The following AGAP3 variants were observed in gnomAD, a reference collection of about 807,000 sequenced individuals.
AGAP3 encodes arf-GAP with GTPase, ANK repeat and PH domain-containing protein 3.
In AGAP3, 24 loss-of-function variants were observed where a neutral mutation model predicts 96.9. That is an observed-to-expected ratio of 0.25 (90% confidence interval 0.18 to 0.35). The LOEUF is 0.35. Among genes scored for constraint, AGAP3 ranks in the 10% least tolerant of loss-of-function variants. The pLI is 1.00. For missense variants in AGAP3, 876 were observed against 1,254.2 expected (o/e 0.70, Z 4.55); for synonymous variants, 563 against 536.1 (o/e 1.05, Z -0.69).
Position 151,118,386 on chromosome 7 carries a change from C to A in AGAP3, c.841+42C>A, listed in dbSNP as rs777418062. 1 of 1,596,842 alleles carries A rather than the reference C, an allele frequency of 6.3e-7. No homozygotes were observed. The highest frequency in any genetic ancestry group is 1.1e-5 in the South Asian group (1 of 89,780). ...GTGGGAGTCACTGGCAGCCGCGGCCCCAGTGCTGGCGATAGGAAGGCTCCC... is the reference window on the plus strand; with the variant it reads ...GTGGGAGTCACTGGCAGCCGCGGCCACAGTGCTGGCGATAGGAAGGCTCCC... On this transcript the variant is annotated intron_variant, in intron 6 of 17. Coordinates refer to ENST00000397238, the MANE Select transcript of AGAP3 (RefSeq NM_031946.7). The surrounding 1 kb of genome is among the most constrained non-coding windows in gnomAD (Gnocchi z 6.1).
chr7:151,117,087 T>C lies in AGAP3; in HGVS notation c.391-8T>C. ...CCTCTGACCCACTCACCCCTTCCTC[T>C]CCCGCAGGGCATAGTGGGGAACCTG... On this transcript the variant is annotated splice_polypyrimidine_tract_variant and splice_region_variant and intron_variant, in intron 2 of 17. Coordinates refer to ENST00000397238, the MANE Select transcript of AGAP3 (RefSeq NM_031946.7). The C allele has an allele frequency of 6.2e-7, 1 of 1,613,090 alleles. No homozygotes were observed. The highest frequency in any genetic ancestry group is 2.2e-5 in the East Asian group (1 of 44,860).
At chr7:151,127,855 T>A (rs967765902) in intron 9 of AGAP3, among the ~76,000 whole-genome samples, 4 of 152,310 alleles carry the variant, frequency 2.6e-5, no homozygotes, top group African/African-American at 9.6e-5. Context: ...TTTAGGGGGC[T>A]TTTCCCCAGT....
At position 151,138,164 on chromosome 7, in the gene AGAP3, G is replaced by A. The variant is rs748732155; in HGVS notation, c.1517G>A (p.Ser506Asn). 1.2e-6 allele frequency: 2 copies of A among 1,605,290 alleles called. No homozygotes were observed. Among genetic ancestry groups the A allele is most frequent in the South Asian group, 2.2e-5 (2 of 89,614 alleles). ...CCAGGTGCCCCCCACTCGGCCAGCA[G>A]CGCATCCCTGCACTCTGAGCGCCCC... ...GGTGAPHSAS[S>N]ASLHSERPLS... is the part of the protein sequence containing the mutation. The change falls in exon 12 of 18, where the codon AGC becomes AAC. Residue 506 changes from serine to asparagine, a missense_variant. By Grantham distance (46) the Ser-to-Asn change is conservative. Transcript: ENST00000397238.
chr7:151,105,301 C>G (rs1005736319), intron 1 of AGAP3, among the ~76,000 whole-genome samples: 2 of 152,122 alleles, frequency 1.3e-5, no homozygotes, highest in East Asian at 3.8e-4. Flanking sequence ...TGTACACTTA[C>G]TGCAGAAAAA....
chr7:151,144,087 A>G lies in AGAP3; in HGVS notation c.*144A>G. The G allele has an allele frequency of 1.2e-6, 1 of 863,530 alleles. No homozygotes were observed. Among genetic ancestry groups the G allele is most frequent in the East Asian group, 2.7e-5 (1 of 37,554 alleles). The allele number at this position is 863,530 out of a possible 1,614,324, so 53.5% of individuals were successfully genotyped here. On this transcript the variant is annotated 3_prime_UTR_variant, in exon 18 of 18. Transcript: ENST00000397238. ...GCCAAGGAAATTAGGGAGGAGAGTC[A>G]AAGGGATCAAGGAGAGTTGGGGATT... is the stretch of plus-strand genomic sequence containing the variant.
intron 1 of AGAP3, among the ~76,000 whole-genome samples, chr7:151,100,564 G>T (rs1337646860): frequency 6.6e-6 from 1 of 152,238 alleles, no homozygotes; most frequent in African/African-American, 2.4e-5. Flanking sequence ...GGGCACAGTG[G>T]TTCACACCTG....
chr7:151,095,992 G>A (rs1798590832), intron 1 of AGAP3, among the ~76,000 whole-genome samples: 1 of 152,224 alleles, frequency 6.6e-6, no homozygotes, highest in Admixed American at 6.5e-5. Flanking sequence ...CCACTTGGGA[G>A]CTGTGTGACC....
intron 1 of AGAP3, among the ~76,000 whole-genome samples, chr7:151,107,618 T>C (rs1799110704): frequency 6.6e-6 from 1 of 151,740 alleles, no homozygotes; most frequent in Non-Finnish European, 1.5e-5. Context: ...AATGAGACCG[T>C]CTCAAAAAAA....
chr7:151,126,361 A>AGCAGAGCG (rs1554469749), intron 9 of AGAP3, among the ~76,000 whole-genome samples: 6 of 10,540 alleles, frequency 5.7e-4, no homozygotes, highest in Non-Finnish European at 8.6e-4. Context: ...AGAGCGGAGC[A>AGCAGAGCG]GAGCAGAGCG....
At chr7:151,132,472 T>C (rs1247092674) in intron 10 of AGAP3, among the ~76,000 whole-genome samples, 1 of 152,202 alleles carries the variant, frequency 6.6e-6, no homozygotes, top group Non-Finnish European at 1.5e-5. Context: ...GAGTGTGGGC[T>C]CCTTCCTGAA....
Position 151,138,267 on chromosome 7 carries a change from G to T in AGAP3, c.1620G>T (p.Gln540His). The T allele has an allele frequency of 6.2e-7, 1 of 1,612,870 alleles. No individual in the cohort carries two copies. Among genetic ancestry groups the T allele is most frequent in the Non-Finnish European group, 8.5e-7 (1 of 1,179,770 alleles). ...QRSCSVSSAD[Q>H]WSEATTSLPP... ...CCTGCTCCGTTTCCAGCGCCGACCA[G>T]TGGAGTGAGGCCACCACTTCCCTGC... Residue 540 changes from glutamine (Q) to histidine (H), a missense_variant, in exon 12 of 18, where the codon CAG (glutamine) becomes CAT (histidine). Coordinates refer to ENST00000397238, the MANE Select transcript of AGAP3 (RefSeq NM_031946.7).
At chr7:151,089,567 A>T (rs963609943) in intron 1 of AGAP3, 4 of 152,106 alleles carry the variant, frequency 2.6e-5, no homozygotes, top group African/African-American at 4.8e-5. Flanking sequence ...TGCGGTCAGG[A>T]TCCATCTGGC....
In AGAP3 at chr7:151,141,652, C is replaced by T. The variant is rs759027921; in HGVS notation, c.1805-246C>T. The T allele has an allele frequency of 9.4e-6, 5 of 534,376 alleles. No homozygotes were observed. Among genetic ancestry groups the T allele is most frequent in the Non-Finnish European group, 1.7e-5 (5 of 296,460 alleles). The allele number at this position is 534,376 out of a possible 1,614,324, so 33.1% of individuals were successfully genotyped here. A position where few individuals can be genotyped will look rare whatever the true frequency, so the allele number is the denominator to read the frequency against. On this transcript the variant is annotated intron_variant, in intron 13 of 17. Coordinates refer to ENST00000397238, the MANE Select transcript of AGAP3 (RefSeq NM_031946.7). The surrounding 1 kb of genome is among the most constrained non-coding windows in gnomAD (Gnocchi z 4.2). ...CAGGGGTGCCAAGATCTTGCATCCC[C>T]CATCTGTTTTCACTTAAGCTCCACA...
intron 10 of AGAP3, among the ~76,000 whole-genome samples, chr7:151,129,555 T>G (rs1800319647): frequency 1.3e-5 from 2 of 152,066 alleles, no homozygotes. Context: ...GTCCTCCCCC[T>G]CAGCTCAGGG....
At chr7:151,103,319 G>A (rs968224724) in intron 1 of AGAP3, among the ~76,000 whole-genome samples, 1 of 152,118 alleles carries the variant, frequency 6.6e-6, no homozygotes. Flanking sequence ...TTATGCACAG[G>A]GAGAAAGATA....
At chr7:151,115,787 G>A in intron 1 of AGAP3, 1 of 438,914 alleles carries the variant, frequency 2.3e-6, no homozygotes, top group Non-Finnish European at 3.2e-6. Flanking sequence ...CCTGGCGTCT[G>A]GGGTCTTCGG....
At chr7:151,127,787 C>T (rs1287554084) in intron 9 of AGAP3, among the ~76,000 whole-genome samples, 2 of 152,194 alleles carry the variant, frequency 1.3e-5, no homozygotes, top group Admixed American at 6.5e-5. Context: ...TGAGCATCGT[C>T]TCCTTCTATC....
At position 151,096,004 on chromosome 7, in the gene AGAP3, C is replaced by T. The variant is rs1798591184; in HGVS notation, c.331+8932C>T. ...CTACCACTTGGGAGCTGTGTGACCT[C>T]GGGTGAGTTCCTTAACCCCTCTGTG... On this transcript the variant is annotated intron_variant, in intron 1 of 17. Coordinates refer to ENST00000397238, the MANE Select transcript of AGAP3 (RefSeq NM_031946.7). This position sits in a 1 kb window ranked among gnomAD's most constrained non-coding sequence, Gnocchi z 4.4. 6.6e-6 allele frequency among the ~76,000 whole-genome samples: 1 copy of T among 152,178 alleles called. No homozygotes were observed. Among genetic ancestry groups the T allele is most frequent in the African/African-American group, 2.4e-5 (1 of 41,440 alleles).
At chr7:151,123,125 C>A in intron 8 of AGAP3, 1 of 1,114,764 alleles carries the variant, frequency 9.0e-7, no homozygotes, top group Non-Finnish European at 1.1e-6. Flanking sequence ...CTGGGGGGCG[C>A]TTTCCTGCCC....
Sources: gnomAD v4.1 joint callset for allele counts (sites outside exome capture counted in the v4.1 genomes callset) on GRCh38, gnomAD v4.1.1 for gene constraint, Gnocchi (gnomAD v3.1) non-coding constraint, MANE v1.5 for transcripts, NCBI Gene and HGNC (gene_info 2026-07-23, HGNC 2026-07-21) for gene names.